The following PTPRD variants were observed in gnomAD, a reference collection of about 807,000 sequenced individuals.
PTPRD encodes protein tyrosine phosphatase receptor type D, also known as receptor-type tyrosine-protein phosphatase delta.
Under a neutral mutation model 214.5 loss-of-function variants are expected in PTPRD, and 34 were observed. That is an observed-to-expected ratio of 0.16 (90% confidence interval 0.12 to 0.21). The LOEUF (loss-of-function observed/expected upper bound fraction) is 0.21, where lower values mean the gene tolerates loss of function less well. Among genes scored for constraint, PTPRD ranks in the 10% least tolerant of loss-of-function variants. The pLI is 1.00. For missense variants in PTPRD, 2,545 were observed against 2,398.7 expected, an observed-to-expected ratio of 1.06 and a Z score of -1.27; for synonymous variants, 1,128 against 845.7, an observed-to-expected ratio of 1.33 and a Z score of -5.79.
intron 9 of PTPRD, among the ~76,000 whole-genome samples, chr9:9,320,499 T>C (rs961410260): frequency 3.3e-5 from 5 of 152,128 alleles, no homozygotes; most frequent in African/African-American, 4.8e-5. Flanking sequence ...TATAAATGAT[T>C]GGGGAGTCCT....
chr9:9,373,318 T>A (rs918294222), intron 9 of PTPRD, among the ~76,000 whole-genome samples: 1 of 152,126 alleles, frequency 6.6e-6, no homozygotes, highest in Admixed American at 6.6e-5. Flanking sequence ...CTTTCTATAA[T>A]TTATATGCAA....
At chr9:9,897,302 A>T (rs1222811460) in intron 5 of PTPRD, among the ~76,000 whole-genome samples, 3 of 152,088 alleles carry the variant, frequency 2.0e-5, no homozygotes, top group Non-Finnish European at 2.9e-5. Context: ...TTGCTATATG[A>T]AATCTATATA....
intron 10 of PTPRD, among the ~76,000 whole-genome samples, chr9:9,039,607 G>A (rs1322071576): frequency 6.6e-6 from 1 of 152,146 alleles, no homozygotes; most frequent in African/African-American, 2.4e-5. Context: ...AATAGAAACT[G>A]CCTGGTCTAT....
chr9:9,496,009 G>A (rs1012262290), intron 8 of PTPRD, among the ~76,000 whole-genome samples: 9 of 152,150 alleles, frequency 5.9e-5, no homozygotes, highest in East Asian at 1.9e-4. Context: ...GTAGCAGCTG[G>A]CTGGATCCTA....
chr9:8,757,149 T>C (rs1185053183), intron 11 of PTPRD, among the ~76,000 whole-genome samples: 2 of 151,506 alleles, frequency 1.3e-5, no homozygotes, highest in African/African-American at 4.9e-5. Context: ...CTCAAAATAA[T>C]AATAATCTAT....
intron 5 of PTPRD, among the ~76,000 whole-genome samples, chr9:9,914,258 C>T (rs1287768379): frequency 2.0e-5 from 3 of 152,308 alleles, no homozygotes; most frequent in East Asian, 3.9e-4. Context: ...CCTGCTACTC[C>T]AGACATGTCT....
At chr9:8,805,624 T>G (rs1372610716) in intron 11 of PTPRD, among the ~76,000 whole-genome samples, 1 of 151,594 alleles carries the variant, frequency 6.6e-6, no homozygotes. Flanking sequence ...TTTTCCGAGA[T>G]GGAGTTTCAC....
rs1196165090 is a variant in PTPRD at position 8,507,337 on chromosome 9, A to G, written c.1641T>C (p.Tyr547=). Residue 547 remains tyrosine, a synonymous_variant, in exon 22 of 46, where the codon TAT becomes TAC. Transcript: ENST00000381196. Reference sequence around the variant, plus strand: ...GCTCCCCATCTTTGTAGACCAGTTCATAGTTGGCAATGGTATCTGAACGTG... The same window carrying G: ...GCTCCCCATCTTTGTAGACCAGTTCGTAGTTGGCAATGGTATCTGAACGTG... ...TPPRSDTIAN[Y]ELVYKDGEHG... 9 of 1,614,016 alleles carry G rather than the reference A, an allele frequency of 5.6e-6. No homozygotes were observed. Among genetic ancestry groups the G allele is most frequent in the Non-Finnish European group, 7.6e-6 (9 of 1,179,880 alleles).
chr9:10,376,003 T>C (rs1462480535), intron 2 of PTPRD, among the ~76,000 whole-genome samples: 7 of 152,002 alleles, frequency 4.6e-5, no homozygotes, highest in Admixed American at 3.9e-4. Flanking sequence ...TGTTATAATG[T>C]CATACACTCT....
chr9:9,418,894 G>A (rs2077781674), intron 8 of PTPRD, among the ~76,000 whole-genome samples: 1 of 151,810 alleles, frequency 6.6e-6, no homozygotes, highest in African/African-American at 2.4e-5. Flanking sequence ...TAGAAAGAAA[G>A]GTTATTTGAA....
intron 10 of PTPRD, among the ~76,000 whole-genome samples, chr9:9,107,451 T>TTA (rs1205666417): frequency 6.6e-6 from 1 of 152,204 alleles, no homozygotes; most frequent in African/African-American, 2.4e-5. Context: ...AGGAAGAGAC[T>TTA]TATAACCTTT....
intron 3 of PTPRD, among the ~76,000 whole-genome samples, chr9:10,193,171 C>T (rs898839152): frequency 1.3e-5 from 2 of 151,906 alleles, no homozygotes; most frequent in Non-Finnish European, 2.9e-5. Context: ...TTTAGAGACT[C>T]TATTATTGTC....
rs144781598 is a variant in PTPRD, at chr9:9,405,731, G to A, written c.-236-8249C>T. 7.9e-5 allele frequency among the ~76,000 whole-genome samples: 12 copies of A among 152,092 alleles called. No individual in the cohort carries two copies. The East Asian group carries it at 2.3e-3, about 29-fold the overall frequency. Reference sequence around the variant, plus strand: ...TGGTGCAAAATCGAATTTTTATCCTGTACCTTGGGGGAGACAGTTTAACAA... The same window carrying A: ...TGGTGCAAAATCGAATTTTTATCCTATACCTTGGGGGAGACAGTTTAACAA... On this transcript the variant is annotated intron_variant, in intron 8 of 45. Coordinates refer to ENST00000381196, the MANE Select transcript of PTPRD (RefSeq NM_002839.4).
At chr9:9,455,672 C>A (rs1798848808) in intron 8 of PTPRD, among the ~76,000 whole-genome samples, 1 of 151,016 alleles carries the variant, frequency 6.6e-6, no homozygotes, top group African/African-American at 2.4e-5. Flanking sequence ...CCCAAAGAAG[C>A]AAAGAAAATA....
At chr9:8,642,806 T>C (rs1313801679) in intron 12 of PTPRD, among the ~76,000 whole-genome samples, 3 of 152,220 alleles carry the variant, frequency 2.0e-5, no homozygotes, top group Admixed American at 2.0e-4. Flanking sequence ...TGATAGGTTT[T>C]TGTTATAATT....
chr9:9,205,547 A>G (rs2132501610), intron 9 of PTPRD, among the ~76,000 whole-genome samples: 1 of 152,344 alleles, frequency 6.6e-6, no homozygotes, highest in Admixed American at 6.5e-5. Context: ...TTGAAAAACA[A>G]AGCATCATTA....
intron 9 of PTPRD, among the ~76,000 whole-genome samples, chr9:9,268,192 A>G (rs1367606820): frequency 6.6e-6 from 1 of 151,228 alleles, no homozygotes; most frequent in Non-Finnish European, 1.5e-5. Flanking sequence ...CAGCACGAAA[A>G]AGTCAGCTTT....
intron 7 of PTPRD, among the ~76,000 whole-genome samples, chr9:9,643,322 A>G (rs1044103918): frequency 3.9e-5 from 6 of 152,176 alleles, no homozygotes; most frequent in African/African-American, 1.4e-4. Flanking sequence ...AATCAGAACC[A>G]GTTGCATAGA....
At chr9:10,523,991 G>T (rs2784606) in intron 2 of PTPRD, among the ~76,000 whole-genome samples, 22,050 of 151,926 alleles carry the variant, frequency 0.15, 2,138 homozygotes, top group East Asian at 0.45. Flanking sequence ...AGTCCAAGAT[G>T]ATGGTGCCAA....
Sources: gnomAD v4.1 joint callset for allele counts (sites outside exome capture counted in the v4.1 genomes callset) on GRCh38, gnomAD v4.1.1 for gene constraint, MANE v1.5 for transcripts, NCBI Gene and HGNC (gene_info 2026-07-23, HGNC 2026-07-21) for gene names.